NEBL: variants seen among roughly 807,000 people sequenced by gnomAD.
NEBL encodes nebulette.
NEBL carries 122 observed loss-of-function variants against 140.2 expected under a neutral mutation model. The ratio of observed to expected loss-of-function variants is 0.87; its 90% CI spans 0.75 to 1.01. The LOEUF (loss-of-function observed/expected upper bound fraction) is 1.01. NEBL is among the 50% of genes least tolerant of loss of function. The pLI is 0.00. For missense variants in NEBL, 1,365 were observed against 1,231.3 expected (o/e 1.11, Z -1.62); for synonymous variants, 436 against 398.9 (o/e 1.09, Z -1.11).
intron 3 of NEBL, among the ~76,000 whole-genome samples, chr10:21,205,651 C>G (rs1841813806): frequency 6.6e-6 from 1 of 152,032 alleles, no homozygotes; most frequent in African/African-American, 2.4e-5. Context: ...AACACAATTA[C>G]TTTGGCACCA....
At chr10:21,009,706 T>C (rs1838262808) in intron 3 of NEBL, among the ~76,000 whole-genome samples, 1 of 152,186 alleles carries the variant, frequency 6.6e-6, no homozygotes, top group Admixed American at 6.5e-5. Flanking sequence ...GATGTTAACA[T>C]AGTCATCTTT....
chr10:20,875,074 T>C (rs187946488), intron 5 of NEBL, among the ~76,000 whole-genome samples: 35 of 152,312 alleles, frequency 2.3e-4, no homozygotes, highest in African/African-American at 8.2e-4. Context: ...TGTTCTTTGT[T>C]GCTTCCAACG....
chr10:21,120,390 ATACATAT>A (rs1210146525), intron 2 of NEBL, among the ~76,000 whole-genome samples: 10 of 99,518 alleles, frequency 1.0e-4, no homozygotes, highest in Non-Finnish European at 1.7e-4. Context: ...AAAAAAAAAA[ATACATAT>A]ATATATATAT....
At chr10:21,079,717 T>A (rs562882693) in intron 2 of NEBL, among the ~76,000 whole-genome samples, 3 of 152,194 alleles carry the variant, frequency 2.0e-5, no homozygotes, top group Admixed American at 6.5e-5. Flanking sequence ...TATTCCTTTA[T>A]TTATTTTTCC....
At chr10:20,880,738 C>T (rs1845942004) in intron 5 of NEBL, 56 bp downstream of exon 5, 2 of 1,263,272 alleles carry the variant, frequency 1.6e-6, no homozygotes, top group Middle Eastern at 1.8e-4. Flanking sequence ...AAACATAAGC[C>T]CTAATATGAC....
intron 4 of NEBL, among the ~76,000 whole-genome samples, chr10:20,882,339 AAAAGGAAAAGGGGAAGGG>A (rs147034956): frequency 0.06 from 9,093 of 151,954 alleles, 380 homozygotes; most frequent in Middle Eastern, 0.12. Context: ...AGGAGAGAGG[AAAAGGAAAAGGGGAAGGG>A]AAAGGGAAAG....
At chr10:21,259,760 G>A (rs1588572845) in intron 1 of NEBL, among the ~76,000 whole-genome samples, 1 of 152,064 alleles carries the variant, frequency 6.6e-6, no homozygotes, top group Non-Finnish European at 1.5e-5. Flanking sequence ...TCAGGGATGT[G>A]TAGTAATCCA....
At chr10:21,123,021 GC>G (rs1789073641) in intron 2 of NEBL, among the ~76,000 whole-genome samples, 1 of 152,152 alleles carries the variant, frequency 6.6e-6, no homozygotes, top group African/African-American at 2.4e-5. Context: ...CTAATAACAA[GC>G]CAGAAATTTT....
intron 14 of NEBL, among the ~76,000 whole-genome samples, chr10:20,832,611 T>TA (rs147100940): frequency 1.3e-5 from 2 of 152,016 alleles, no homozygotes; most frequent in African/African-American, 2.4e-5. Flanking sequence ...AAAATGTTAT[T>TA]AAAAAAAACT....
intron 5 of NEBL, among the ~76,000 whole-genome samples, chr10:20,878,925 A>C (rs2131303823): frequency 6.6e-6 from 1 of 152,268 alleles, no homozygotes; most frequent in Admixed American, 6.5e-5. Flanking sequence ...CCGTATTTGA[A>C]TTTCATTGAA....
chr10:21,223,634 ATAG>A (rs1384092999), intron 3 of NEBL, among the ~76,000 whole-genome samples: 2 of 152,176 alleles, frequency 1.3e-5, no homozygotes, highest in African/African-American at 4.8e-5. Flanking sequence ...ATTGTTCTCC[ATAG>A]TAGTTGTATT....
intron 2 of NEBL, among the ~76,000 whole-genome samples, chr10:21,074,638 C>A (rs1292047134): frequency 6.6e-6 from 1 of 151,894 alleles, no homozygotes; most frequent in African/African-American, 2.4e-5. Context: ...CCACCAAGCT[C>A]GGCTAATTTT....
Position 21,018,500 on chromosome 10 carries a change from A to AT in NEBL, c.249+1616dup, listed in dbSNP as rs555778356. 1.5e-3 allele frequency among the ~76,000 whole-genome samples: 227 copies of AT among 152,298 alleles called. 1 individual carries two copies. The highest frequency in any genetic ancestry group is 3.4e-3 in the Middle Eastern group (1 of 294). Reference sequence around the variant, plus strand: ...CCTCATTTTTGTAACCAAAACCAGTATACAAACACCAGCATTTTACACAAA... The same window carrying AT: ...CCTCATTTTTGTAACCAAAACCAGTATTACAAACACCAGCATTTTACACAAA... On this transcript the variant is annotated intron_variant, in intron 3 of 6. Transcript: ENST00000417816.
intron 2 of NEBL, among the ~76,000 whole-genome samples, chr10:21,131,625 T>C (rs1001265894): frequency 2.0e-5 from 3 of 152,130 alleles, no homozygotes; most frequent in Admixed American, 6.6e-5. Flanking sequence ...CATTTCCATA[T>C]GTTATTGTTT....
intron 9 of NEBL, among the ~76,000 whole-genome samples, chr10:20,856,238 C>T (rs1843061355): frequency 6.6e-6 from 1 of 152,150 alleles, no homozygotes; most frequent in Admixed American, 6.5e-5. Context: ...TATGACTTTG[C>T]TGTGTTTTCT....
At chr10:20,990,523 A>T (rs1298023402) in intron 3 of NEBL, among the ~76,000 whole-genome samples, 1 of 152,152 alleles carries the variant, frequency 6.6e-6, no homozygotes, top group Non-Finnish European at 1.5e-5. Context: ...CAGACACCAG[A>T]TCTGCTGGCC....
chr10:20,953,813 C>T (rs1835634643), intron 4 of NEBL, among the ~76,000 whole-genome samples: 1 of 151,830 alleles, frequency 6.6e-6, no homozygotes, highest in Non-Finnish European at 1.5e-5. Flanking sequence ...AAAGAATGTA[C>T]AAAATTAGTC....
chr10:21,036,292 A>T (rs78370492), intron 2 of NEBL, among the ~76,000 whole-genome samples: 1 of 152,050 alleles, frequency 6.6e-6, no homozygotes, highest in Non-Finnish European at 1.5e-5. Context: ...CCTTTCTACA[A>T]AAAATTCTCA....
At chr10:20,927,612 CCTAT>C (rs1404487816) in intron 4 of NEBL, among the ~76,000 whole-genome samples, 1 of 152,174 alleles carries the variant, frequency 6.6e-6, no homozygotes, top group African/African-American at 2.4e-5. Context: ...AAAACCAAAA[CCTAT>C]CTTTTAAGTG....
Sources: gnomAD v4.1 joint callset for allele counts (sites outside exome capture counted in the v4.1 genomes callset) on GRCh38, gnomAD v4.1.1 for gene constraint, MANE v1.5 for transcripts, NCBI Gene and HGNC (gene_info 2026-07-23, HGNC 2026-07-21) for gene names.